Variants in SNAP23 observed in about 807,000 individuals in gnomAD.
The protein encoded by SNAP23 is synaptosome associated protein 23.
Under a neutral mutation model 29.0 loss-of-function variants are expected in SNAP23, and 11 were observed. The ratio of observed to expected loss-of-function variants is 0.38; its 90% CI spans 0.24 to 0.63. The LOEUF is 0.63. SNAP23 is among the 20% of genes least tolerant of loss of function. SNAP23 has a pLI of 0.58. For missense variants in SNAP23, 220 were observed against 253.9 expected (o/e 0.87, Z 0.91); for synonymous variants, 60 against 82.9 (o/e 0.72, Z 1.50).
intron 6 of SNAP23, 56 bp from the exon 7 acceptor site, chr15:42,529,619 C>T (rs1418893640): frequency 3.2e-6 from 5 of 1,575,828 alleles, no homozygotes; most frequent in Non-Finnish European, 4.3e-6. Flanking sequence ...AAAGTAAATC[C>T]AGACTTTTAT....
At chr15:42,497,579 A>AGG (rs1251979903) in intron 1 of SNAP23, among the ~76,000 whole-genome samples, 1 of 151,924 alleles carries the variant, frequency 6.6e-6, no homozygotes, top group Non-Finnish European at 1.5e-5. Flanking sequence ...GCCTGACCTC[A>AGG]TGATCCACCC....
At chr15:42,491,795 T>TG (rs2057167011), upstream of SNAP23, among the ~76,000 whole-genome samples, 1 of 152,196 alleles carries the variant, frequency 6.6e-6, no homozygotes, top group South Asian at 2.1e-4. Context: ...TTGCCCAGGC[T>TG]GGTCTCAAAC....
rs1053782508 is a variant in SNAP23 at position 42,532,291 on chromosome 15, A to T, written c.*813A>T. ...TTTTTAGTAGAGACAGGGTTTCACC[A>T]TGTCAAGCTGGTCTTGGACTCCTGA... On this transcript the variant is annotated 3_prime_UTR_variant, in exon 8 of 8. Coordinates refer to ENST00000249647, the MANE Select transcript of SNAP23 (RefSeq NM_003825.4). The T allele has an allele frequency of 4.6e-5, 7 of 152,060 alleles. No homozygotes were observed. The East Asian group carries it at 1.4e-3, about 29-fold the overall frequency. The allele number at this position is 152,060 out of a possible 1,614,324, so 9.4% of individuals were successfully genotyped here.
At chr15:42,513,279 G>A in intron 3 of SNAP23, 120 bp from the exon 4 acceptor site, 1 of 915,042 alleles carries the variant, frequency 1.1e-6, no homozygotes, top group East Asian at 2.4e-5. Flanking sequence ...AGTTCTGTCT[G>A]TAGCTCTAAT....
intron 1 of SNAP23, among the ~76,000 whole-genome samples, chr15:42,506,984 A>AC (rs753236536): frequency 4.6e-4 from 70 of 152,002 alleles, no homozygotes; most frequent in Non-Finnish European, 6.0e-4. Flanking sequence ...TGCCCAGCTA[A>AC]TTTTTTGATT....
chr15:42,502,245 C>A (rs1451468914), intron 1 of SNAP23, among the ~76,000 whole-genome samples: 1 of 151,884 alleles, frequency 6.6e-6, no homozygotes, highest in African/African-American at 2.4e-5. Flanking sequence ...AGGATGGTCT[C>A]GATCTCCTGA....
At chr15:42,509,616 T>A (rs890278905) in intron 1 of SNAP23, among the ~76,000 whole-genome samples, 3 of 151,992 alleles carry the variant, frequency 2.0e-5, no homozygotes, top group African/African-American at 7.2e-5. Flanking sequence ...ATTTTTGTAT[T>A]TTTAGTAGAA....
intron 5 of SNAP23, among the ~76,000 whole-genome samples, chr15:42,518,304 TA>T (rs2057414660): frequency 6.6e-6 from 1 of 152,210 alleles, no homozygotes; most frequent in African/African-American, 2.4e-5. Context: ...ATGAGCTTCT[TA>T]AAGGTAGACA....
At chr15:42,501,756 A>G (rs1483250253) in intron 1 of SNAP23, among the ~76,000 whole-genome samples, 1 of 152,170 alleles carries the variant, frequency 6.6e-6, no homozygotes, top group Admixed American at 6.6e-5. Flanking sequence ...AAGTTATAAT[A>G]GTTTTATTGA....
At chr15:42,510,233 TC>T (rs1567044083) in intron 1 of SNAP23, among the ~76,000 whole-genome samples, 1 of 152,136 alleles carries the variant, frequency 6.6e-6, no homozygotes, top group East Asian at 1.9e-4. Context: ...CCTCCTGGAC[TC>T]AAGCAATCCG....
chr15:42,519,055 CTTTTT>C (rs34865842), intron 5 of SNAP23, among the ~76,000 whole-genome samples: 2 of 130,738 alleles, frequency 1.5e-5, no homozygotes, highest in Admixed American at 7.5e-5. Flanking sequence ...GTTTCTTCTT[CTTTTT>C]TTTTTTTTTT....
In SNAP23 at chr15:42,532,010, G is replaced by A. The variant is rs1160608871; in HGVS notation, c.*532G>A. The A allele has an allele frequency of 2.0e-5, 3 of 152,210 alleles. No homozygotes were observed. The highest frequency in any genetic ancestry group is 6.5e-5 in the Admixed American group (1 of 15,284). The allele number at this position is 152,210 out of a possible 1,614,324, so 9.4% of individuals were successfully genotyped here. A position where few individuals can be genotyped will look rare whatever the true frequency, so the allele number is the denominator to read the frequency against. On this transcript the variant is annotated 3_prime_UTR_variant, in exon 8 of 8. Coordinates refer to ENST00000249647, the MANE Select transcript of SNAP23 (RefSeq NM_003825.4). ...CCAATTTAGGCTAATGCTTGGTTTT[G>A]GAGCTTTTATACACAACGTTTTTGT... is the stretch of plus-strand genomic sequence containing the variant.
chr15:42,497,576 C>T (rs1380940579), intron 1 of SNAP23, among the ~76,000 whole-genome samples: 1 of 152,150 alleles, frequency 6.6e-6, no homozygotes, highest in African/African-American at 2.4e-5. Flanking sequence ...AACGCCTGAC[C>T]TCATGATCCA....
At chr15:42,529,551 C>G in intron 6 of SNAP23, 124 bp from the exon 7 acceptor site, 1 of 911,586 alleles carries the variant, frequency 1.1e-6, no homozygotes, top group Non-Finnish European at 1.7e-6. Context: ...GAATGGTAAC[C>G]TATATTCTTT....
chr15:42,504,223 T>A (rs1008516274), intron 1 of SNAP23, among the ~76,000 whole-genome samples: 3 of 152,032 alleles, frequency 2.0e-5, no homozygotes, highest in Admixed American at 6.6e-5. Flanking sequence ...GCACCTGTAA[T>A]CCCAGCTACT....
upstream of SNAP23, among the ~76,000 whole-genome samples, chr15:42,494,704 A>G: frequency 6.6e-6 from 1 of 151,610 alleles, no homozygotes; most frequent in Middle Eastern, 3.2e-3. Flanking sequence ...TTTAGTAGAG[A>G]TGGGGTTTCT....
intron 1 of SNAP23, among the ~76,000 whole-genome samples, chr15:42,508,570 G>C (rs748124025): frequency 6.6e-6 from 1 of 152,232 alleles, no homozygotes; most frequent in East Asian, 1.9e-4. Context: ...GCAGAACTTC[G>C]AGTTCACATG....
intron 1 of SNAP23, among the ~76,000 whole-genome samples, chr15:42,507,598 C>T (rs2057325663): frequency 6.6e-6 from 1 of 152,130 alleles, no homozygotes; most frequent in Admixed American, 6.6e-5. Context: ...TTTTTCATCC[C>T]ACCCCACCAG....
At chr15:42,507,141 A>C (rs905003161) in intron 1 of SNAP23, among the ~76,000 whole-genome samples, 2 of 152,166 alleles carry the variant, frequency 1.3e-5, no homozygotes, top group Non-Finnish European at 2.9e-5. Flanking sequence ...TTATCAGACC[A>C]TGAATTATAC....
Sources: gnomAD v4.1 joint callset for allele counts (sites outside exome capture counted in the v4.1 genomes callset) on GRCh38, gnomAD v4.1.1 for gene constraint, MANE v1.5 for transcripts, NCBI Gene and HGNC (gene_info 2026-07-23, HGNC 2026-07-21) for gene names.